The following COL14A1 variants were observed in gnomAD, a reference collection of about 807,000 sequenced individuals.
COL14A1 encodes collagen type XIV alpha 1 chain.
Under a neutral mutation model 230.3 loss-of-function variants are expected in COL14A1, and 136 were observed. That is an observed-to-expected ratio of 0.59 (90% confidence interval 0.51 to 0.68). COL14A1 has a LOEUF of 0.68. COL14A1 is among the 30% of genes least tolerant of loss of function. The probability of loss-of-function intolerance (pLI) is 0.00; values close to 1 mark genes in which losing one functional copy is unlikely to be tolerated. For missense variants in COL14A1, 1,976 were observed against 2,215.8 expected, an observed-to-expected ratio of 0.89 and a Z score of 2.17; for synonymous variants, 792 against 784.1, an observed-to-expected ratio of 1.01 and a Z score of -0.17.
At chr8:120,171,922 T>A (rs1816104678) in intron 5 of COL14A1, among the ~76,000 whole-genome samples, 3 of 152,160 alleles carry the variant, frequency 2.0e-5, no homozygotes, top group Non-Finnish European at 4.4e-5. Context: ...ATATCTGTCT[T>A]TTAGGACACT....
intron 5 of COL14A1, among the ~76,000 whole-genome samples, chr8:120,169,928 T>TC (rs1816042790): frequency 6.6e-6 from 1 of 152,098 alleles, no homozygotes; most frequent in Non-Finnish European, 1.5e-5. Flanking sequence ...TCCTATAAAT[T>TC]CCCCTTCCTG....
chr8:120,274,152 C>T (rs939904467), intron 26 of COL14A1, among the ~76,000 whole-genome samples: 5 of 151,712 alleles, frequency 3.3e-5, no homozygotes, highest in African/African-American at 1.2e-4. Flanking sequence ...GATGTCATCC[C>T]AGGGACACAG....
chr8:120,207,941 A>G (rs543973019), intron 10 of COL14A1, among the ~76,000 whole-genome samples: 30 of 152,196 alleles, frequency 2.0e-4, no homozygotes, highest in Admixed American at 3.9e-4. Context: ...GAAAAATATC[A>G]TGTTTACTGT....
At chr8:120,255,093 T>G in intron 22 of COL14A1, 147 bp from the exon 23 acceptor site, 1 of 682,004 alleles carries the variant, frequency 1.5e-6, no homozygotes, top group Non-Finnish European at 2.7e-6. Context: ...ATTTATCTTT[T>G]GTATACTAAC....
At chr8:120,324,996 G>T (rs1446793790) in intron 40 of COL14A1, among the ~76,000 whole-genome samples, 1 of 151,944 alleles carries the variant, frequency 6.6e-6, no homozygotes, top group African/African-American at 2.4e-5. Flanking sequence ...TTGTTCTATA[G>T]TATGGAAAAG....
intron 13 of COL14A1, 119 bp from the exon 14 acceptor site, chr8:120,216,232 A>T: frequency 1.3e-6 from 1 of 750,466 alleles, no homozygotes; most frequent in Non-Finnish European, 2.1e-6. Flanking sequence ...TCAGTGTTAT[A>T]AGTTATTATC....
chr8:120,309,187 G>T (rs1182524156), intron 36 of COL14A1, among the ~76,000 whole-genome samples: 4 of 152,094 alleles, frequency 2.6e-5, no homozygotes, highest in African/African-American at 9.7e-5. Flanking sequence ...CACCCGCCTT[G>T]GCCTCCCAAA....
chr8:120,355,306 T>C (rs563272441), intron 45 of COL14A1, among the ~76,000 whole-genome samples: 35 of 152,338 alleles, frequency 2.3e-4, no homozygotes, highest in African/African-American at 8.4e-4. Context: ...TTGAGCCATA[T>C]ATTAAACAAG....
At chr8:120,132,875 T>C (rs1284111094) in intron 1 of COL14A1, among the ~76,000 whole-genome samples, 1 of 152,152 alleles carries the variant, frequency 6.6e-6, no homozygotes, top group Non-Finnish European at 1.5e-5. Context: ...CCCATGGTTT[T>C]GCAATTGAAT....
chr8:120,340,652 A>G (rs1822261988), intron 42 of COL14A1, among the ~76,000 whole-genome samples: 1 of 152,192 alleles, frequency 6.6e-6, no homozygotes, highest in Non-Finnish European at 1.5e-5. Flanking sequence ...GAACCCTGAA[A>G]ATGCCATTTT....
intron 5 of COL14A1, among the ~76,000 whole-genome samples, chr8:120,181,960 C>A (rs1049781509): frequency 1.3e-5 from 2 of 152,078 alleles, no homozygotes; most frequent in Admixed American, 6.6e-5. Context: ...CCGTCACCCC[C>A]CTCCCCGAAA....
chr8:120,132,006 G>C (rs1310753372), intron 1 of COL14A1, among the ~76,000 whole-genome samples: 1 of 151,564 alleles, frequency 6.6e-6, no homozygotes, highest in African/African-American at 2.4e-5. Flanking sequence ...GCCCCACCAT[G>C]CCCAGATAAT....
At chr8:120,139,599 C>A (rs1814831790) in intron 1 of COL14A1, among the ~76,000 whole-genome samples, 2 of 152,128 alleles carry the variant, frequency 1.3e-5, no homozygotes, top group South Asian at 4.1e-4. Context: ...AGCATCTGCT[C>A]AAGTAGAAAA....
At chr8:120,196,731 G>A in intron 5 of COL14A1, 60 bp from the exon 6 acceptor site, 8 of 1,547,628 alleles carry the variant, frequency 5.2e-6, no homozygotes, top group Non-Finnish European at 7.0e-6. Context: ...CATTAAGATG[G>A]ACTGTTTTTG....
intron 45 of COL14A1, among the ~76,000 whole-genome samples, chr8:120,346,237 A>G (rs1822505187): frequency 6.6e-6 from 1 of 151,990 alleles, no homozygotes; most frequent in Non-Finnish European, 1.5e-5. Context: ...TTCCACATCT[A>G]CAGGTCTTAG....
intron 19 of COL14A1, among the ~76,000 whole-genome samples, chr8:120,238,966 A>G (rs1818536178): frequency 6.6e-6 from 1 of 152,128 alleles, no homozygotes; most frequent in Non-Finnish European, 1.5e-5. Flanking sequence ...AATGAGATGA[A>G]CCCGGTACCT....
chr8:120,202,683 C>G (rs7018328), intron 8 of COL14A1, among the ~76,000 whole-genome samples: 86,510 of 151,756 alleles, frequency 0.57, 26,099 homozygotes, highest in African/African-American at 0.77. Flanking sequence ...GATTGATTGT[C>G]AGGATTAAAG....
intron 23 of COL14A1, 135 bp from the exon 24 acceptor site, chr8:120,262,733 A>G: frequency 1.3e-6 from 1 of 772,548 alleles, no homozygotes; most frequent in Non-Finnish European, 2.0e-6. Context: ...AATACTTCAA[A>G]CAAATATAAC....
chr8:120,308,977 C>T (rs1024011816), intron 36 of COL14A1, among the ~76,000 whole-genome samples: 1 of 152,162 alleles, frequency 6.6e-6, no homozygotes, highest in South Asian at 2.1e-4. Context: ...TCTCACTTTG[C>T]CGCCCAGGCT....
Sources: allele counts gnomAD v4.1 joint callset (sites outside exome capture counted in the v4.1 genomes callset), GRCh38; gene constraint gnomAD v4.1.1; transcripts MANE v1.5; gene names NCBI Gene and HGNC (gene_info 2026-07-23, HGNC 2026-07-21).